Variants in SORCS1 observed in about 807,000 individuals in gnomAD.
SORCS1 encodes the protein VPS10 domain-containing receptor SorCS1.
SORCS1 carries 60 observed loss-of-function variants against 146.1 expected under a neutral mutation model. The ratio of observed to expected loss-of-function variants is 0.41; its 90% CI spans 0.33 to 0.51. The LOEUF (loss-of-function observed/expected upper bound fraction) is 0.51, where lower values mean the gene tolerates loss of function less well. Among genes scored for constraint, SORCS1 ranks in the 20% least tolerant of loss-of-function variants. SORCS1 has a pLI of 0.21. For missense variants in SORCS1, 1,352 were observed against 1,487.6 expected (o/e 0.91, Z 1.50); for synonymous variants, 637 against 584.0 (o/e 1.09, Z -1.31).
intron 2 of SORCS1, among the ~76,000 whole-genome samples, chr10:106,916,601 CAT>C (rs1491287296): frequency 8.9e-5 from 13 of 146,628 alleles, no homozygotes; most frequent in Non-Finnish European, 1.6e-4. Context: ...CACACACACA[CAT>C]ATGCACAATT....
At chr10:107,054,745 G>C (rs536935367) in intron 1 of SORCS1, among the ~76,000 whole-genome samples, 4 of 152,304 alleles carry the variant, frequency 2.6e-5, no homozygotes, top group Admixed American at 1.3e-4. Context: ...AGCTATGCTA[G>C]CCAACAACCA....
intron 3 of SORCS1, among the ~76,000 whole-genome samples, chr10:106,784,255 C>A (rs1402962848): frequency 2.0e-5 from 3 of 151,954 alleles, no homozygotes; most frequent in Non-Finnish European, 2.9e-5. Context: ...GTTAGCTGGG[C>A]GTGGTGGTGG....
chr10:106,955,043 A>G (rs1472621898), intron 2 of SORCS1, among the ~76,000 whole-genome samples: 3 of 152,226 alleles, frequency 2.0e-5, no homozygotes, highest in Non-Finnish European at 4.4e-5. Context: ...CCAGCCTAGG[A>G]GGCATGGGCT....
At chr10:106,996,397 T>A (rs1163000462) in intron 1 of SORCS1, among the ~76,000 whole-genome samples, 1 of 152,138 alleles carries the variant, frequency 6.6e-6, no homozygotes, top group Non-Finnish European at 1.5e-5. Flanking sequence ...ATTTAAATAA[T>A]TATAAAATAG....
chr10:106,989,291 AAAAAAAG>A (rs1956638861), intron 1 of SORCS1, among the ~76,000 whole-genome samples: 3 of 116,650 alleles, frequency 2.6e-5, no homozygotes, highest in Non-Finnish European at 6.2e-5. Flanking sequence ...AAAAAAAAAA[AAAAAAAG>A]AATACTCCAA....
intron 24 of SORCS1, among the ~76,000 whole-genome samples, chr10:106,582,692 G>GT (rs1406920750): frequency 6.6e-6 from 1 of 152,006 alleles, no homozygotes; most frequent in African/African-American, 2.4e-5. Flanking sequence ...GTGCTGAGCA[G>GT]TTTTTTGCCA....
intron 18 of SORCS1, among the ~76,000 whole-genome samples, chr10:106,647,088 T>A (rs1849507280): frequency 6.7e-6 from 1 of 149,660 alleles, no homozygotes; most frequent in Admixed American, 6.7e-5. Flanking sequence ...CAAAAGTATC[T>A]TTGCTATTCT....
At chr10:106,950,166 G>A (rs1253715297) in intron 2 of SORCS1, among the ~76,000 whole-genome samples, 1 of 152,144 alleles carries the variant, frequency 6.6e-6, no homozygotes, top group Non-Finnish European at 1.5e-5. Flanking sequence ...TTGACTCCCT[G>A]AGTGAAGAAC....
At chr10:107,030,449 G>A (rs73371999) in intron 1 of SORCS1, among the ~76,000 whole-genome samples, 1 of 152,128 alleles carries the variant, frequency 6.6e-6, no homozygotes, top group Non-Finnish European at 1.5e-5. Context: ...TTTTGCCTGT[G>A]TCCCACACTT....
intron 3 of SORCS1, among the ~76,000 whole-genome samples, chr10:106,809,239 A>C (rs945595830): frequency 1.3e-5 from 2 of 152,014 alleles, no homozygotes; most frequent in Non-Finnish European, 2.9e-5. Context: ...AATAATAATA[A>C]AAAACCTCCC....
At chr10:106,794,984 ACTT>A (rs1356032961) in intron 3 of SORCS1, among the ~76,000 whole-genome samples, 2 of 152,184 alleles carry the variant, frequency 1.3e-5, no homozygotes, top group African/African-American at 2.4e-5. Context: ...TTAGGAAATC[ACTT>A]CTTATGTCTG....
At chr10:106,972,016 A>T (rs1955808772) in intron 1 of SORCS1, among the ~76,000 whole-genome samples, 1 of 152,188 alleles carries the variant, frequency 6.6e-6, no homozygotes, top group Non-Finnish European at 1.5e-5. Context: ...AACACTTTGT[A>T]TGACTTTAGT....
rs1344451408 is a variant in SORCS1 at position 106,878,650 on chromosome 10, T to TATATATATATA, written c.627-48978_627-48977insTATATATATAT. Reference sequence around the variant, plus strand: ...TATATATATATATATATATATATATTTTATAGCAGCCTGAATGGACTAAGA... The same window carrying TATATATATATA: ...TATATATATATATATATATATATATTATATATATATATTATAGCAGCCTGAATGGACTAAGA... On this transcript the variant is annotated intron_variant, in intron 2 of 25. Transcript: ENST00000263054. Among the ~76,000 whole-genome samples the TATATATATATA allele has an allele frequency of 3.5e-3, 236 of 66,798 alleles. 13 individuals are homozygous for TATATATATATA. The East Asian group carries it at 0.069, about 19-fold the overall frequency. The allele number at this position is 66,798 out of a possible 152,430, so 43.8% of individuals were successfully genotyped here. A position where few individuals can be genotyped will look rare whatever the true frequency, so the allele number is the denominator to read the frequency against.
intron 20 of SORCS1, among the ~76,000 whole-genome samples, chr10:106,619,655 G>T (rs990939863): frequency 6.6e-6 from 1 of 152,056 alleles, no homozygotes; most frequent in African/African-American, 2.4e-5. Flanking sequence ...GTAGAGGAAA[G>T]AAACATTAGT....
chr10:106,685,249 T>G (rs1852740413), intron 10 of SORCS1, among the ~76,000 whole-genome samples: 3 of 152,086 alleles, frequency 2.0e-5, no homozygotes, highest in Admixed American at 2.0e-4. Context: ...GAGTGCACAC[T>G]CCCAACGTGG....
chr10:106,930,186 G>A (rs1168521131), intron 2 of SORCS1, among the ~76,000 whole-genome samples: 3 of 152,122 alleles, frequency 2.0e-5, no homozygotes, highest in African/African-American at 4.8e-5. Context: ...GGAGGCTGAG[G>A]CAGAAGAATG....
chr10:106,647,175 A>C (rs890316837), intron 18 of SORCS1, among the ~76,000 whole-genome samples: 1 of 151,656 alleles, frequency 6.6e-6, no homozygotes, highest in Non-Finnish European at 1.5e-5. Context: ...ATTTTTATTC[A>C]GATTGCTTTT....
intron 4 of SORCS1, among the ~76,000 whole-genome samples, chr10:106,770,474 A>C (rs1859933910): frequency 7.9e-6 from 1 of 125,814 alleles, no homozygotes; most frequent in African/African-American, 3.1e-5. Flanking sequence ...TTTTTTCAAA[A>C]AATCGCAAAA....
intron 18 of SORCS1, among the ~76,000 whole-genome samples, chr10:106,640,638 G>A (rs1849013490): frequency 6.6e-6 from 1 of 152,174 alleles, no homozygotes; most frequent in Non-Finnish European, 1.5e-5. Flanking sequence ...ACTGATTGGG[G>A]CCTTTGCCAT....
Sources: allele counts gnomAD v4.1 joint callset (sites outside exome capture counted in the v4.1 genomes callset), GRCh38; gene constraint gnomAD v4.1.1; transcripts MANE v1.5; gene names NCBI Gene and HGNC (gene_info 2026-07-23, HGNC 2026-07-21).